Variants in DLGAP2 observed in about 807,000 individuals in gnomAD.
DLGAP2 encodes disks large-associated protein 2.
DLGAP2 carries 26 observed loss-of-function variants against 100.3 expected under a neutral mutation model. The ratio of observed to expected loss-of-function variants is 0.26; its 90% CI spans 0.19 to 0.36. The LOEUF (loss-of-function observed/expected upper bound fraction) is 0.36, where lower values mean the gene tolerates loss of function less well. Ranked by LOEUF, DLGAP2 falls within the 10% of genes least tolerant of loss-of-function variation. The pLI is 1.00. For missense variants in DLGAP2, 1,858 were observed against 1,453.2 expected, an observed-to-expected ratio of 1.28 and a Z score of -4.53; for synonymous variants, 886 against 630.1, an observed-to-expected ratio of 1.41 and a Z score of -6.08.
At chr8:1,187,729 C>T (rs1212665803) in intron 2 of DLGAP2, among the ~76,000 whole-genome samples, 4 of 144,500 alleles carry the variant, frequency 2.8e-5, no homozygotes, top group African/African-American at 5.5e-5. Context: ...GAATCTCACA[C>T]GCCCGAGACT....
In DLGAP2 at chr8:1,169,205, T is replaced by G. The variant is rs1274638606; in HGVS notation, c.74-89646T>G. On this transcript the variant is annotated intron_variant, in intron 2 of 14. Coordinates refer to ENST00000637795, the MANE Select transcript of DLGAP2 (RefSeq NM_001346810.2). ...TCAGATGGTTGTAGATATGCGGCGT[T>G]ATTTCTGAGGGCTCTGTTCTGTACT... is the stretch of plus-strand genomic sequence containing the variant. Among the ~76,000 whole-genome samples, 18 of 152,276 alleles carry G rather than the reference T, an allele frequency of 1.2e-4. No homozygotes were observed. In the South Asian group the frequency reaches 3.1e-3, roughly 26 times the overall value.
At position 1,678,220 on chromosome 8, in the gene DLGAP2, A is replaced by C. The variant is rs769607034; in HGVS notation, c.2295A>C (p.Gly765=). The change falls in exon 12 of 15, where the codon GGA becomes GGC. Residue 765 remains glycine, a synonymous_variant. Coordinates refer to ENST00000637795, the MANE Select transcript of DLGAP2 (RefSeq NM_001346810.2). ...GVQVEDEKRH[G]RFKRSNSVTA... is the part of the protein sequence containing the mutation. Reference sequence around the variant, plus strand: ...TCCTTCCCTCCTTTTGCAGACACGGACGTTTTAAACGTTCTAACAGCGTCA... The same window carrying C: ...TCCTTCCCTCCTTTTGCAGACACGGCCGTTTTAAACGTTCTAACAGCGTCA... 1.2e-6 allele frequency: 2 copies of C among 1,608,294 alleles called. No individual in the cohort carries two copies. The highest frequency in any genetic ancestry group is 2.2e-5 in the South Asian group (2 of 90,540).
intron 2 of DLGAP2, among the ~76,000 whole-genome samples, chr8:986,328 A>T (rs1800486578): frequency 1.3e-5 from 2 of 152,100 alleles, no homozygotes; most frequent in South Asian, 2.1e-4. Flanking sequence ...TTCTTTTTTT[A>T]AAAAATTTCA....
intron 3 of DLGAP2, chr8:1,300,379 C>G (rs1055032265): frequency 1.3e-5 from 2 of 152,186 alleles, no homozygotes; most frequent in South Asian, 4.1e-4. Context: ...TGCGTTTTCC[C>G]TCCCTACACT....
chr8:1,268,509 A>G (rs567947581), intron 3 of DLGAP2, among the ~76,000 whole-genome samples: 8 of 152,348 alleles, frequency 5.3e-5, no homozygotes, highest in African/African-American at 1.4e-4. Context: ...CGCCATCTCC[A>G]AAGCAGGAAC....
At chr8:1,546,709 G>A (rs568498821) in intron 4 of DLGAP2, among the ~76,000 whole-genome samples, 4 of 152,152 alleles carry the variant, frequency 2.6e-5, no homozygotes, top group Admixed American at 6.5e-5. Flanking sequence ...GGGAGTCAGA[G>A]TGGGTGGCTC....
At chr8:1,331,165 G>A (rs772547197) in intron 3 of DLGAP2, among the ~76,000 whole-genome samples, 3 of 152,228 alleles carry the variant, frequency 2.0e-5, no homozygotes, top group Non-Finnish European at 2.9e-5. Context: ...CAGTGCACTG[G>A]GGGAAGTGGA....
intron 8 of DLGAP2, among the ~76,000 whole-genome samples, chr8:1,657,942 G>T (rs1028811185): frequency 6.6e-6 from 1 of 152,136 alleles, no homozygotes; most frequent in Non-Finnish European, 1.5e-5. Flanking sequence ...AGAAAAAGAA[G>T]TGAGAGAGAA....
chr8:1,523,275 T>C (rs934466477), intron 4 of DLGAP2, among the ~76,000 whole-genome samples: 1 of 152,208 alleles, frequency 6.6e-6, no homozygotes, highest in East Asian at 1.9e-4. Context: ...TGGCTTCTGC[T>C]GGGGCGCAGG....
At chr8:795,176 C>G (rs973798286) in intron 1 of DLGAP2, among the ~76,000 whole-genome samples, 5 of 152,206 alleles carry the variant, frequency 3.3e-5, no homozygotes, top group Non-Finnish European at 4.4e-5. Flanking sequence ...ACACTGAACC[C>G]TTGCTCCTGA....
intron 2 of DLGAP2, among the ~76,000 whole-genome samples, chr8:1,222,255 T>A (rs1376755702): frequency 6.6e-6 from 1 of 152,178 alleles, no homozygotes; most frequent in Non-Finnish European, 1.5e-5. Context: ...GATGGGGCTT[T>A]TTGATTTTAT....
Position 819,092 on chromosome 8 carries a change from G to C in DLGAP2, c.18+81267G>C, listed in dbSNP as rs535683763. Among the ~76,000 whole-genome samples, 9 of 152,264 alleles carry C rather than the reference G, an allele frequency of 5.9e-5. No individual in the cohort carries two copies. In the East Asian group the frequency reaches 1.7e-3, roughly 29 times the overall value. On this transcript the variant is annotated intron_variant, in intron 1 of 14. Coordinates refer to ENST00000637795, the MANE Select transcript of DLGAP2 (RefSeq NM_001346810.2). ...AATGACTGAATCCAGAATTTGATAAGTATCACAGAAAAGGGCTGACCTTAT... is the reference window on the plus strand; with the variant it reads ...AATGACTGAATCCAGAATTTGATAACTATCACAGAAAAGGGCTGACCTTAT...
chr8:1,029,281 G>A (rs184104256), intron 2 of DLGAP2, among the ~76,000 whole-genome samples: 29 of 152,346 alleles, frequency 1.9e-4, no homozygotes, highest in Admixed American at 6.5e-4. Flanking sequence ...GGCTGAGGCT[G>A]TCTTGGATGG....
At chr8:1,381,954 AG>A (rs1796107365) in intron 3 of DLGAP2, among the ~76,000 whole-genome samples, 1 of 152,196 alleles carries the variant, frequency 6.6e-6, no homozygotes, top group African/African-American at 2.4e-5. Flanking sequence ...AAGTCTACAC[AG>A]TGTTTTTTAG....
chr8:871,678 G>C (rs962498270), intron 1 of DLGAP2, among the ~76,000 whole-genome samples: 29 of 152,010 alleles, frequency 1.9e-4, no homozygotes, highest in Admixed American at 1.7e-3. Flanking sequence ...AACCAGATAA[G>C]TATAGTCCAT....
At chr8:1,224,686 C>T (rs1798379986) in intron 2 of DLGAP2, among the ~76,000 whole-genome samples, 1 of 152,108 alleles carries the variant, frequency 6.6e-6, no homozygotes, top group African/African-American at 2.4e-5. Flanking sequence ...ACTAACCTTA[C>T]AAGAATAAAA....
chr8:1,232,355 T>C (rs1176262237), intron 2 of DLGAP2, among the ~76,000 whole-genome samples: 1 of 152,216 alleles, frequency 6.6e-6, no homozygotes, highest in African/African-American at 2.4e-5. Flanking sequence ...AGCCCACTTT[T>C]TGGGGCCAAC....
intron 3 of DLGAP2, among the ~76,000 whole-genome samples, chr8:1,495,477 C>G (rs765732660): frequency 1.3e-5 from 2 of 152,240 alleles, no homozygotes; most frequent in African/African-American, 4.8e-5. Context: ...AAGAGTGGCG[C>G]TGCTGAGGGG....
intron 3 of DLGAP2, among the ~76,000 whole-genome samples, chr8:1,433,581 A>G (rs1041489265): frequency 5.3e-5 from 8 of 152,144 alleles, no homozygotes; most frequent in Admixed American, 1.3e-4. Context: ...CCTAATCAAT[A>G]AGGTGCACAG....
Sources: gnomAD v4.1 joint callset for allele counts (sites outside exome capture counted in the v4.1 genomes callset) on GRCh38, gnomAD v4.1.1 for gene constraint, MANE v1.5 for transcripts, NCBI Gene and HGNC (gene_info 2026-07-23, HGNC 2026-07-21) for gene names.